The following ZNF205 variants were observed in gnomAD, a reference collection of about 807,000 sequenced individuals.
The protein encoded by ZNF205 is zinc finger protein 205, also known as transcriptional repressor RHIT.
A neutral mutation model predicts 53.6 loss-of-function variants in ZNF205; 32 were observed. The observed-to-expected ratio is 0.60, with a 90% CI of 0.45 to 0.80. ZNF205 has a LOEUF of 0.80. ZNF205 is among the 30% of genes least tolerant of loss of function. The pLI is 0.00. For missense variants in ZNF205, 836 were observed against 782.4 expected, an observed-to-expected ratio of 1.07 and a Z score of -0.82; for synonymous variants, 382 against 334.3, an observed-to-expected ratio of 1.14 and a Z score of -1.56.
At chr16:3,113,283 T>TG in intron 1 of ZNF205, 134 bp from the exon 2 acceptor site, 2 of 737,624 alleles carry the variant, frequency 2.7e-6, no homozygotes, top group Non-Finnish European at 4.6e-6. Context: ...CTGGTACTCG[T>TG]GGGGATTTTC....
chr16:3,119,325 G>A lies in ZNF205; in HGVS notation c.665G>A (p.Arg222Lys). 6.2e-7 allele frequency: 1 copy of A among 1,612,746 alleles called. No homozygotes were observed. Among genetic ancestry groups the A allele is most frequent in the East Asian group, 2.2e-5 (1 of 44,854 alleles). Residue 222 changes from arginine to lysine, a missense_variant, in exon 7 of 7, where the codon AGA becomes AAA. Physicochemically the swap from Arg to Lys is conservative, Grantham distance 26. Transcript: ENST00000219091. ...GCCCTTGGGAATGTGAAGCCCTTCA[G>A]AACCAGGGCAGGGAGAGTCCAGTGG... ...VAALGNVKPF[R>K]TRAGRVQWGV... is the part of the protein sequence containing the mutation.
chr16:3,116,817 C>T (rs1024067575), intron 5 of ZNF205, among the ~76,000 whole-genome samples: 11 of 152,152 alleles, frequency 7.2e-5, no homozygotes, highest in Non-Finnish European at 8.8e-5. Context: ...TGTTTTGAGA[C>T]GGAGTCTCGC....
At position 3,113,445 on chromosome 16, in the gene ZNF205, C is replaced by T. The variant is rs760910808; in HGVS notation, c.15C>T (p.Gly5=). Residue 5 remains glycine (G), a synonymous_variant, in exon 2 of 7, where the codon GGC becomes GGT. Transcript: ENST00000219091. ...TGAAATAGAAAATGTCTGCAGACGG[C>T]GGAGGCATCCAGGACACCCAGGACA... MSAD[G]GGIQDTQDKE... 2.0e-5 allele frequency: 33 copies of T among 1,613,148 alleles called. No individual in the cohort carries two copies. The East Asian group carries it at 3.6e-4, about 17-fold the overall frequency.
chr16:3,118,942 G>T lies in ZNF205; in HGVS notation c.522G>T (p.Ala174=). The T allele has an allele frequency of 1.2e-6, 2 of 1,613,644 alleles. No individual in the cohort carries two copies. Among genetic ancestry groups the T allele is most frequent in the Non-Finnish European group, 1.7e-6 (2 of 1,179,974 alleles). ...GCAGGCCTTTCTGGGCCCCTCAAGC[G>T]CACGGCAAGGGTGAGGCCTCGGGCT... ...PFSRPFWAPQ[A]HGKGEASGSS... The change falls in exon 6 of 7, where the codon GCG becomes GCT. Residue 174 remains alanine (A), a synonymous_variant. Transcript: ENST00000219091.
chr16:3,115,374 C>A lies in ZNF205; in HGVS notation c.77C>A (p.Pro26His). The change falls in exon 3 of 7, where the codon CCT becomes CAT. Residue 26 changes from proline (P) to histidine (H), a missense_variant. Transcript: ENST00000219091. The stretch of plus-strand genomic sequence containing the variant: ...TTCTAGGTTCCAGATCGTGGACATC[C>A]TCATCAGGAAATGCCTTCTAAGCTG... Reference protein sequence around the residue: ...TPPEVPDRGHPHQEMPSKLGE... With the variant: ...TPPEVPDRGHHHQEMPSKLGE... 1 of 1,602,150 alleles carries A rather than the reference C, an allele frequency of 6.2e-7. No homozygotes were observed. The highest frequency in any genetic ancestry group is 2.3e-5 in the East Asian group (1 of 44,034).
At position 3,120,419 on chromosome 16, in the gene ZNF205, G is replaced by T; in HGVS notation, c.*94G>T. The T allele has an allele frequency of 7.3e-7, 1 of 1,373,260 alleles. No homozygotes were observed. Among genetic ancestry groups the T allele is most frequent in the Non-Finnish European group, 9.6e-7 (1 of 1,042,924 alleles). 85.1% of individuals were successfully genotyped at this position (1,373,260 alleles called of 1,614,324 possible). The stretch of plus-strand genomic sequence containing the variant: ...GGGAGGAGAGAGGGGCTCGGGAAGG[G>T]AGCTGGGGCGGTGAGGGCATGGGGT... On this transcript the variant is annotated 3_prime_UTR_variant, in exon 7 of 7. Transcript: ENST00000219091.
At position 3,118,771 on chromosome 16, in the gene ZNF205, T is replaced by C. The variant is rs1192304555; in HGVS notation, c.485-134T>C. On this transcript the variant is annotated intron_variant, in intron 5 of 6. Transcript: ENST00000219091. The stretch of plus-strand genomic sequence containing the variant: ...CGGACCCCCGACCCAGGGGGCCTTC[T>C]TGAAACTGCTTTATTTTACCCCCTG... 7.2e-6 allele frequency: 7 copies of C among 972,064 alleles called. No individual in the cohort carries two copies. The East Asian group carries it at 1.9e-4, about 26-fold the overall frequency. The allele number at this position is 972,064 out of a possible 1,614,324, so 60.2% of individuals were successfully genotyped here. A position where few individuals can be genotyped will look rare whatever the true frequency, so the allele number is the denominator to read the frequency against.
intron 2 of ZNF205, among the ~76,000 whole-genome samples, chr16:3,113,938 C>A (rs759221939): frequency 2.6e-5 from 4 of 151,760 alleles, no homozygotes; most frequent in Non-Finnish European, 5.9e-5. Context: ...CCTGGGTCTC[C>A]GGGCTTGGAG....
At position 3,118,933 on chromosome 16, in the gene ZNF205, C is replaced by T. The variant is rs145879319; in HGVS notation, c.513C>T (p.Ala171=). 774 of 1,613,546 alleles carry T rather than the reference C, an allele frequency of 4.8e-4. 1 individual carries two copies. Among genetic ancestry groups the T allele is most frequent in the Non-Finnish European group, 6.2e-4 (727 of 1,179,986 alleles). Residue 171 remains alanine, a synonymous_variant, in exon 6 of 7, where the codon GCC becomes GCT. Transcript: ENST00000219091. Reference sequence around the variant, plus strand: ...TTCCCTTCAGCAGGCCTTTCTGGGCCCCTCAAGCGCACGGCAAGGGTGAGG... The same window carrying T: ...TTCCCTTCAGCAGGCCTTTCTGGGCTCCTCAAGCGCACGGCAAGGGTGAGG... ...LGFPFSRPFW[A]PQAHGKGEAS...
intron 5 of ZNF205, among the ~76,000 whole-genome samples, chr16:3,117,442 CTTTTTTTT>C (rs139893783): frequency 8.2e-5 from 6 of 73,178 alleles, no homozygotes; most frequent in Admixed American, 6.4e-4. Context: ...AGTCCCAGAG[CTTTTTTTT>C]TTTTTTTTTT....
intron 4 of ZNF205, chr16:3,116,154 A>G: frequency 1.5e-6 from 1 of 651,686 alleles, no homozygotes; most frequent in Non-Finnish European, 2.6e-6. Context: ...AGCCGTTGGG[A>G]ACCGTCCTCC....
chr16:3,116,577 G>C, intron 5 of ZNF205, 30 bp downstream of exon 5: 9 of 1,607,388 alleles, frequency 5.6e-6, no homozygotes, highest in Non-Finnish European at 7.6e-6. Context: ...GGGGACTGGG[G>C]TGTTAGGGAG....
Position 3,120,472 on chromosome 16 carries a change from G to A in ZNF205, c.*147G>A. ...GGCATGGCGATGGGGGAGGGCGAGG[G>A]CGAGAAAGGGCAGGCACTCTGCGAA... is the stretch of plus-strand genomic sequence containing the variant. On this transcript the variant is annotated 3_prime_UTR_variant, in exon 7 of 7. Coordinates refer to ENST00000219091, the MANE Select transcript of ZNF205 (RefSeq NM_001042428.2). The A allele has an allele frequency of 2.1e-6, 2 of 960,122 alleles. No individual in the cohort carries two copies. The highest frequency in any genetic ancestry group is 3.0e-6 in the Non-Finnish European group (2 of 666,658). 59.5% of individuals were successfully genotyped at this position (960,122 alleles called of 1,614,324 possible). A position where few individuals can be genotyped will look rare whatever the true frequency, so the allele number is the denominator to read the frequency against.
chr16:3,119,915 C>G lies in ZNF205; in HGVS notation c.1255C>G (p.Pro419Ala). The change falls in exon 7 of 7, where the codon CCG becomes GCG. Residue 419 changes from proline (P) to alanine (A), a missense_variant. Transcript: ENST00000219091. ...CCAGGGCACCCACACGGGCGCCAAG[C>G]CGCACAAGTGCCCCATCTGCGCCAA... ...THQGTHTGAKPHKCPICAKCF... is the reference protein window; with the variant it reads ...THQGTHTGAKAHKCPICAKCF... 1.2e-6 allele frequency: 2 copies of G among 1,613,612 alleles called. No individual in the cohort carries two copies. The highest frequency in any genetic ancestry group is 8.5e-7 in the Non-Finnish European group (1 of 1,179,922).
chr16:3,115,407 C>T lies in ZNF205; in HGVS notation c.110C>T (p.Ala37Val), dbSNP rs778862874. The change falls in exon 3 of 7, where the codon GCG becomes GTG. Residue 37 changes from alanine to valine, a missense_variant. Physicochemically the swap from Ala to Val is moderately conservative, Grantham distance 64. Transcript: ENST00000219091. The part of the protein sequence containing the change: ...HQEMPSKLGE[A>V]VPSGDTQESL... ...GAAATGCCTTCTAAGCTGGGGGAGG[C>T]GGTACCTTCAGGGGACACTCAGGAG... 2.6e-5 allele frequency: 42 copies of T among 1,609,850 alleles called. No individual in the cohort carries two copies. The highest frequency in any genetic ancestry group is 5.0e-5 in the Admixed American group (3 of 59,458).
chr16:3,113,363 G>C, intron 1 of ZNF205, 54 bp from the exon 2 acceptor site: 1 of 1,581,804 alleles, frequency 6.3e-7, no homozygotes, highest in East Asian at 2.3e-5. Context: ...CTGGCCAGAA[G>C]CTGGAGGGGG....
intron 6 of ZNF205, 26 bp downstream of exon 6, chr16:3,119,041 C>T (rs779823789): frequency 6.8e-6 from 11 of 1,607,780 alleles, no homozygotes; most frequent in African/African-American, 1.3e-5. Context: ...GCGCCTTTGT[C>T]TGCGGGAGTG....
chr16:3,114,023 A>T (rs1957306928), intron 2 of ZNF205, among the ~76,000 whole-genome samples: 1 of 152,088 alleles, frequency 6.6e-6, no homozygotes, highest in African/African-American at 2.4e-5. Flanking sequence ...CATCTGTAAA[A>T]TGCAGACCAC....
chr16:3,118,122 A>G (rs977408103), intron 5 of ZNF205, among the ~76,000 whole-genome samples: 45 of 143,698 alleles, frequency 3.1e-4, no homozygotes, highest in African/African-American at 1.1e-3. Context: ...TCGGCCTCCC[A>G]AAGTGCTGGA....
Sources: allele counts gnomAD v4.1 joint callset (sites outside exome capture counted in the v4.1 genomes callset), GRCh38; gene constraint gnomAD v4.1.1; transcripts MANE v1.5; gene names NCBI Gene and HGNC (gene_info 2026-07-23, HGNC 2026-07-21).